The following ADAMTS12 variants were observed in gnomAD, a reference collection of about 807,000 sequenced individuals.
ADAMTS12 encodes the protein ADAM metallopeptidase with thrombospondin type 1 motif 12, also known as A disintegrin and metalloproteinase with thrombospondin motifs 12.
In ADAMTS12, 118 loss-of-function variants were observed where a neutral mutation model predicts 167.8. The ratio of observed to expected loss-of-function variants is 0.70; its 90% CI spans 0.61 to 0.82. The LOEUF (loss-of-function observed/expected upper bound fraction) is 0.82, where lower values mean the gene tolerates loss of function less well. ADAMTS12 is among the 40% of genes least tolerant of loss of function. The pLI, the probability that ADAMTS12 is intolerant of heterozygous loss-of-function variation, is 0.00. For synonymous variants in ADAMTS12, 704 were observed against 716.9 expected (o/e 0.98, Z 0.29); for missense variants, 1,916 against 1,998.8 (o/e 0.96, Z 0.79).
chr5:33,539,794 G>T lies in ADAMTS12; in HGVS notation c.4447-4802C>A, dbSNP rs992425290. ...TTTTTTTGCTTAAGTATAGTGGCAA[G>T]AAACCATTTTTTTAAAAAGCTAAAG... is the stretch of plus-strand genomic sequence containing the variant. On this transcript the variant is annotated intron_variant, in intron 22 of 23. Transcript: ENST00000504830. 2.0e-5 allele frequency among the ~76,000 whole-genome samples: 3 copies of T among 152,292 alleles called. No homozygotes were observed. The South Asian group carries it at 6.2e-4, about 32-fold the overall frequency.
chr5:33,710,412 AATCGT>A (rs1743353681), intron 3 of ADAMTS12, among the ~76,000 whole-genome samples: 1 of 152,210 alleles, frequency 6.6e-6, no homozygotes, highest in South Asian at 2.1e-4. Flanking sequence ...GGCTGGAACT[AATCGT>A]AACACATTTT....
chr5:33,589,759 TG>T (rs1162131042), intron 17 of ADAMTS12, among the ~76,000 whole-genome samples: 2 of 152,202 alleles, frequency 1.3e-5, no homozygotes, highest in African/African-American at 2.4e-5. Context: ...AATAGTACAC[TG>T]GGGGAAGTCC....
At chr5:33,540,545 C>A (rs1386784570) in intron 22 of ADAMTS12, among the ~76,000 whole-genome samples, 1 of 152,234 alleles carries the variant, frequency 6.6e-6, no homozygotes, top group Admixed American at 6.5e-5. Context: ...AACTGGAACA[C>A]ACCTCCCAGC....
At chr5:33,731,116 T>C (rs933257041) in intron 3 of ADAMTS12, among the ~76,000 whole-genome samples, 1 of 152,198 alleles carries the variant, frequency 6.6e-6, no homozygotes, top group Non-Finnish European at 1.5e-5. Flanking sequence ...TAATAAATAA[T>C]TTATTTCTAA....
At chr5:33,792,074 T>C (rs1465607400) in intron 2 of ADAMTS12, among the ~76,000 whole-genome samples, 1 of 148,850 alleles carries the variant, frequency 6.7e-6, no homozygotes, top group East Asian at 2.0e-4. Flanking sequence ...CTCGGCTCAC[T>C]GCAACCTCTG....
chr5:33,649,575 T>A lies in ADAMTS12; in HGVS notation c.1313A>T (p.Glu438Val). The change falls in exon 8 of 24, where the codon GAG becomes GTG. Residue 438 changes from glutamate (E) to valine (V), a missense_variant. Coordinates refer to ENST00000504830, the MANE Select transcript of ADAMTS12 (RefSeq NM_030955.4). ...TTACTCCAAGAAGCGGGTGATGTAC[T>A]CCTCGCTGCACTTGGACCATGTCAG... ...TPLTWSKCSE[E>V]YITRFLDRGW... 1 of 1,613,900 alleles carries A rather than the reference T, an allele frequency of 6.2e-7. No individual in the cohort carries two copies. Among genetic ancestry groups the A allele is most frequent in the Non-Finnish European group, 8.5e-7 (1 of 1,179,844 alleles).
intron 2 of ADAMTS12, among the ~76,000 whole-genome samples, chr5:33,869,573 G>GCC (rs1554048926): frequency 6.6e-6 from 1 of 152,134 alleles, no homozygotes; most frequent in Non-Finnish European, 1.5e-5. Flanking sequence ...GTTCTGTGAT[G>GCC]CCCCCTGAGC....
rs531129327 is a variant in ADAMTS12 at position 33,558,544 on chromosome 5, C to T, written c.4125+2483G>A. Among the ~76,000 whole-genome samples, 85 of 152,244 alleles carry T rather than the reference C, an allele frequency of 5.6e-4. 3 individuals are homozygous for T. The South Asian group carries it at 0.016, about 28-fold the overall frequency. Reference sequence around the variant, plus strand: ...AGAGGGGCATGAGAGACCCTATAGGCCAGGCAAGGAGTCAAGCCAGGCTTT... The same window carrying T: ...AGAGGGGCATGAGAGACCCTATAGGTCAGGCAAGGAGTCAAGCCAGGCTTT... On this transcript the variant is annotated intron_variant, in intron 20 of 23. Coordinates refer to ENST00000504830, the MANE Select transcript of ADAMTS12 (RefSeq NM_030955.4).
chr5:33,751,045 C>A (rs979417854), intron 3 of ADAMTS12, among the ~76,000 whole-genome samples: 3 of 152,066 alleles, frequency 2.0e-5, no homozygotes, highest in African/African-American at 7.2e-5. Context: ...TACTGAAAAT[C>A]ATTACGTCTT....
chr5:33,753,289 G>T (rs2112394423), intron 2 of ADAMTS12, among the ~76,000 whole-genome samples: 1 of 152,318 alleles, frequency 6.6e-6, no homozygotes, highest in South Asian at 2.1e-4. Flanking sequence ...TAGAAAACAT[G>T]ACATTTTTTT....
chr5:33,585,831 C>G (rs1045902453), intron 18 of ADAMTS12, among the ~76,000 whole-genome samples: 3 of 152,136 alleles, frequency 2.0e-5, no homozygotes, highest in Non-Finnish European at 4.4e-5. Flanking sequence ...GGGGAGAGAG[C>G]TCCCCTTTCT....
At chr5:33,571,775 C>CA (rs908726864) in intron 19 of ADAMTS12, among the ~76,000 whole-genome samples, 2 of 149,912 alleles carry the variant, frequency 1.3e-5, no homozygotes, top group African/African-American at 4.9e-5. Flanking sequence ...AATAGAGACA[C>CA]AAAAAACCCT....
intron 2 of ADAMTS12, among the ~76,000 whole-genome samples, chr5:33,862,326 A>G (rs1054820887): frequency 6.6e-6 from 1 of 152,206 alleles, no homozygotes; most frequent in Non-Finnish European, 1.5e-5. Flanking sequence ...AATAGACACA[A>G]TAGGGGAAAA....
chr5:33,733,420 G>A (rs1306423081), intron 3 of ADAMTS12, among the ~76,000 whole-genome samples: 1 of 152,192 alleles, frequency 6.6e-6, no homozygotes, highest in African/African-American at 2.4e-5. Flanking sequence ...CTATGCCTCA[G>A]TTTTCTCATC....
At chr5:33,665,419 A>G (rs947665723) in intron 5 of ADAMTS12, among the ~76,000 whole-genome samples, 1 of 152,232 alleles carries the variant, frequency 6.6e-6, no homozygotes, top group Non-Finnish European at 1.5e-5. Flanking sequence ...AAAGCATACA[A>G]GGTAATGTAT....
At chr5:33,871,017 T>C (rs1052497634) in intron 2 of ADAMTS12, among the ~76,000 whole-genome samples, 1 of 152,092 alleles carries the variant, frequency 6.6e-6, no homozygotes, top group South Asian at 2.1e-4. Flanking sequence ...TGAATTAATA[T>C]GAAGATGAAA....
chr5:33,637,776 T>C (rs780796797), intron 11 of ADAMTS12, 30 bp from the exon 12 acceptor site: 4 of 1,608,114 alleles, frequency 2.5e-6, no homozygotes, highest in South Asian at 2.2e-5. Flanking sequence ...GCTTTTCTTT[T>C]AGTTTGCTTC....
chr5:33,839,827 G>A (rs1748680851), intron 2 of ADAMTS12, among the ~76,000 whole-genome samples: 1 of 152,150 alleles, frequency 6.6e-6, no homozygotes, highest in Non-Finnish European at 1.5e-5. Flanking sequence ...TATCATTTTT[G>A]TTCACTATAA....
chr5:33,727,921 A>G lies in ADAMTS12; in HGVS notation c.634+23483T>C, dbSNP rs561987682. Among the ~76,000 whole-genome samples the G allele has an allele frequency of 3.3e-5, 5 of 152,336 alleles. No individual in the cohort carries two copies. In the South Asian group the frequency reaches 8.3e-4, roughly 25 times the overall value. On this transcript the variant is annotated intron_variant, in intron 3 of 23. Coordinates refer to ENST00000504830, the MANE Select transcript of ADAMTS12 (RefSeq NM_030955.4). Reference sequence around the variant, plus strand: ...ATGAGGCAGTAGGCTTACTGAGAGCATGGCACCTGTCACATTCACACTCTA... The same window carrying G: ...ATGAGGCAGTAGGCTTACTGAGAGCGTGGCACCTGTCACATTCACACTCTA...
Sources: gnomAD v4.1 joint callset for allele counts (sites outside exome capture counted in the v4.1 genomes callset) on GRCh38, gnomAD v4.1.1 for gene constraint, MANE v1.5 for transcripts, NCBI Gene and HGNC (gene_info 2026-07-23, HGNC 2026-07-21) for gene names.